Variants in LMBR1 observed in about 807,000 individuals in gnomAD.
LMBR1 encodes limb region 1 protein homolog.
Under a neutral mutation model 73.9 loss-of-function variants are expected in LMBR1, and 52 were observed. The observed-to-expected ratio is 0.70, with a 90% CI of 0.56 to 0.89. LMBR1 has a LOEUF of 0.89. Ranked by LOEUF, LMBR1 falls within the 40% of genes least tolerant of loss-of-function variation. The probability of loss-of-function intolerance (pLI) is 0.00; values close to 1 mark genes in which losing one functional copy is unlikely to be tolerated. For missense variants in LMBR1, 539 were observed against 579.8 expected, an observed-to-expected ratio of 0.93 and a Z score of 0.72; for synonymous variants, 215 against 209.4, an observed-to-expected ratio of 1.03 and a Z score of -0.23.
intron 8 of LMBR1, among the ~76,000 whole-genome samples, 164 bp from the exon 9 acceptor site, chr7:156,756,629 A>G (rs1821935753): frequency 6.6e-6 from 1 of 152,224 alleles, no homozygotes; most frequent in Admixed American, 6.5e-5. Flanking sequence ...AATTAAGTAC[A>G]AATACTTTAG....
At chr7:156,830,145 T>C (rs1836420763) in intron 3 of LMBR1, among the ~76,000 whole-genome samples, 1 of 152,178 alleles carries the variant, frequency 6.6e-6, no homozygotes, top group Non-Finnish European at 1.5e-5. Flanking sequence ...TTGAAACTCT[T>C]TCCCCAACTT....
intron 3 of LMBR1, among the ~76,000 whole-genome samples, chr7:156,830,049 T>C (rs1279641768): frequency 6.6e-6 from 1 of 152,204 alleles, no homozygotes; most frequent in Non-Finnish European, 1.5e-5. Context: ...AGGTGCTCCT[T>C]ACGGTCAAAT....
At chr7:156,712,964 A>G (rs1812394075) in intron 15 of LMBR1, among the ~76,000 whole-genome samples, 1 of 152,184 alleles carries the variant, frequency 6.6e-6, no homozygotes, top group Non-Finnish European at 1.5e-5. Flanking sequence ...CCATTACACA[A>G]TCTATGCATG....
At chr7:156,891,211 AATATATATATAT>A (rs1162520790) in intron 1 of LMBR1, among the ~76,000 whole-genome samples, 919 of 81,496 alleles carry the variant, frequency 0.011, 18 homozygotes, top group Non-Finnish European at 0.017. Context: ...AAAAAAAAAA[AATATATATATAT>A]ATATATATAT....
chr7:156,718,337 T>C (rs1168109876), intron 15 of LMBR1, among the ~76,000 whole-genome samples: 1 of 150,916 alleles, frequency 6.6e-6, no homozygotes, highest in Non-Finnish European at 1.5e-5. Context: ...GAGGCAGAGG[T>C]TACAGTGAGC....
intron 4 of LMBR1, among the ~76,000 whole-genome samples, chr7:156,816,384 T>C (rs902351786): frequency 2.0e-5 from 3 of 152,078 alleles, no homozygotes; most frequent in Non-Finnish European, 4.4e-5. Context: ...GTTTGTATTT[T>C]TAGTAGTGAT....
At chr7:156,759,334 C>T (rs916570625) in intron 8 of LMBR1, among the ~76,000 whole-genome samples, 16 of 152,272 alleles carry the variant, frequency 1.1e-4, no homozygotes, top group African/African-American at 3.4e-4. Flanking sequence ...GCAAACAAAT[C>T]GGTTTTACAG....
intron 5 of LMBR1, among the ~76,000 whole-genome samples, chr7:156,789,106 C>T (rs1435503242): frequency 6.6e-6 from 1 of 152,142 alleles, no homozygotes; most frequent in African/African-American, 2.4e-5. Flanking sequence ...TCTTCTTCCT[C>T]TGTGCTACGA....
Position 156,678,658 on chromosome 7 carries a change from G to A in LMBR1, c.*5420C>T, listed in dbSNP as rs1389576863. 2 of 152,130 alleles carry A rather than the reference G, an allele frequency of 1.3e-5. No individual in the cohort carries two copies. 9.4% of individuals were successfully genotyped at this position (152,130 alleles called of 1,614,324 possible). The stretch of plus-strand genomic sequence containing the variant: ...GTTCATGGGAGGACTCAGCGGACAG[G>A]GAGAGCCCTGTCTGCTGCCCTCATT... On this transcript the variant is annotated 3_prime_UTR_variant, in exon 17 of 17. Transcript: ENST00000353442.
chr7:156,695,817 G>A (rs1233042776), intron 15 of LMBR1, among the ~76,000 whole-genome samples: 4 of 150,166 alleles, frequency 2.7e-5, no homozygotes, highest in Non-Finnish European at 5.9e-5. Flanking sequence ...CCAATCTATT[G>A]TAATCCAGAC....
At chr7:156,708,086 C>T (rs1388004762) in intron 15 of LMBR1, among the ~76,000 whole-genome samples, 2 of 150,998 alleles carry the variant, frequency 1.3e-5, no homozygotes, top group Non-Finnish European at 2.9e-5. Context: ...AGAAGGCAAT[C>T]CCATTTACAA....
At chr7:156,783,545 A>G (rs1489594695) in intron 5 of LMBR1, among the ~76,000 whole-genome samples, 1 of 152,140 alleles carries the variant, frequency 6.6e-6, no homozygotes, top group African/African-American at 2.4e-5. Flanking sequence ...ATCATTCGTT[A>G]GATTTATTTC....
chr7:156,791,988 G>T (rs1238544173), intron 5 of LMBR1, among the ~76,000 whole-genome samples: 2 of 152,102 alleles, frequency 1.3e-5, no homozygotes, highest in Non-Finnish European at 2.9e-5. Flanking sequence ...TTAAGTTGCT[G>T]AATTTTTTTT....
rs116888211 is a variant in LMBR1 at position 156,747,302 on chromosome 7, T to C, written c.757+9091A>G. Among the ~76,000 whole-genome samples the C allele has an allele frequency of 5.8e-4, 88 of 152,260 alleles. 4 individuals are homozygous for C. The East Asian group carries it at 9.6e-3, about 17-fold the overall frequency. ...GTCTCTTTGGATTCAGGAAAACTAA[T>C]AGCTGAAGGCAACTTTTCCCAGCTT... On this transcript the variant is annotated intron_variant, in intron 9 of 16. Coordinates refer to ENST00000353442, the MANE Select transcript of LMBR1 (RefSeq NM_022458.4).
intron 14 of LMBR1, among the ~76,000 whole-genome samples, chr7:156,724,825 TTAAG>T (rs747606749): frequency 7.3e-5 from 11 of 150,470 alleles, no homozygotes; most frequent in Non-Finnish European, 1.2e-4. Flanking sequence ...CTTCTCCCCT[TTAAG>T]TAGGCTAAAA....
intron 4 of LMBR1, among the ~76,000 whole-genome samples, chr7:156,806,366 C>T (rs944490778): frequency 3.3e-5 from 5 of 152,030 alleles, no homozygotes; most frequent in Non-Finnish European, 7.4e-5. Flanking sequence ...GTTCCAATAG[C>T]TTTTTTATAA....
intron 9 of LMBR1, among the ~76,000 whole-genome samples, chr7:156,751,843 T>C (rs1255100977): frequency 1.3e-5 from 2 of 152,196 alleles, no homozygotes; most frequent in African/African-American, 2.4e-5. Flanking sequence ...ACTTTGGACA[T>C]ATGTTTAAGA....
At position 156,770,577 on chromosome 7, in the gene LMBR1, T is replaced by C. The variant is rs191820469; in HGVS notation, c.424-6782A>G. ...AAAAATGAAGCACTCAACTCAAGAA[T>C]TTGTAAAAGGAACAACAAAATAAAT... On this transcript the variant is annotated intron_variant, in intron 5 of 16. Transcript: ENST00000353442. Among the ~76,000 whole-genome samples the C allele has an allele frequency of 7.2e-5, 11 of 152,204 alleles. No homozygotes were observed. In the East Asian group the frequency reaches 2.1e-3, roughly 29 times the overall value.
intron 1 of LMBR1, among the ~76,000 whole-genome samples, chr7:156,889,294 G>C (rs1802491421): frequency 6.6e-6 from 1 of 152,100 alleles, no homozygotes; most frequent in Non-Finnish European, 1.5e-5. Context: ...GATAGTGGTG[G>C]TGGTTGCACA....
Sources: gnomAD v4.1 joint callset for allele counts (sites outside exome capture counted in the v4.1 genomes callset) on GRCh38, gnomAD v4.1.1 for gene constraint, MANE v1.5 for transcripts, NCBI Gene and HGNC (gene_info 2026-07-23, HGNC 2026-07-21) for gene names.